The following BRINP1 variants were observed in gnomAD, a reference collection of about 807,000 sequenced individuals.
BRINP1 encodes BMP/retinoic acid-inducible neural-specific protein 1.
BRINP1 carries 17 observed loss-of-function variants against 72.9 expected under a neutral mutation model. The observed-to-expected ratio is 0.23, with a 90% confidence interval of 0.16 to 0.35. BRINP1 has a LOEUF of 0.35. Ranked by LOEUF, BRINP1 falls within the 10% of genes least tolerant of loss-of-function variation. The pLI is 1.00. For missense variants in BRINP1, 850 were observed against 1,001.6 expected (o/e 0.85, Z 2.04); for synonymous variants, 418 against 378.5 (o/e 1.10, Z -1.21).
chr9:119,270,698 A>T (rs1830597782), intron 2 of BRINP1, among the ~76,000 whole-genome samples: 1 of 152,222 alleles, frequency 6.6e-6, no homozygotes, highest in Admixed American at 6.5e-5. Context: ...AGGTTTATAC[A>T]CAATATACTT....
chr9:119,256,518 C>G (rs80255914), intron 2 of BRINP1, among the ~76,000 whole-genome samples: 4,008 of 152,244 alleles, frequency 0.026, 95 homozygotes, highest in Non-Finnish European at 0.036. Flanking sequence ...AAGCATGCAC[C>G]TCCTCAAATT....
intron 2 of BRINP1, among the ~76,000 whole-genome samples, chr9:119,295,952 A>C (rs1830872868): frequency 6.6e-6 from 1 of 152,214 alleles, no homozygotes; most frequent in Non-Finnish European, 1.5e-5. Context: ...GAAAACAGAG[A>C]TAAACCTTCT....
intron 2 of BRINP1, among the ~76,000 whole-genome samples, chr9:119,301,523 A>T (rs1000041104): frequency 6.6e-6 from 1 of 152,236 alleles, no homozygotes; most frequent in Admixed American, 6.5e-5. Context: ...TGGATGGTAG[A>T]GGATGAGAGA....
At chr9:119,312,485 T>A (rs1831077835) in intron 2 of BRINP1, among the ~76,000 whole-genome samples, 2 of 152,052 alleles carry the variant, frequency 1.3e-5, no homozygotes, top group Non-Finnish European at 2.9e-5. Context: ...ATCAAAGATA[T>A]GGTTGTTAAG....
rs148053811 is a variant in BRINP1 at position 119,297,684 on chromosome 9, A to G, written c.218+15454T>C. Reference sequence around the variant, plus strand: ...CTGAAATGAACCCTAACAGGATTCTATTTTGGACTTTCTCCCATTATCCTG... The same window carrying G: ...CTGAAATGAACCCTAACAGGATTCTGTTTTGGACTTTCTCCCATTATCCTG... On this transcript the variant is annotated intron_variant, in intron 2 of 7. Transcript: ENST00000265922. Among the ~76,000 whole-genome samples the G allele has an allele frequency of 5.9e-5, 9 of 152,202 alleles. No homozygotes were observed. The East Asian group carries it at 1.5e-3, about 26-fold the overall frequency.
At chr9:119,284,226 G>A (rs2118965799) in intron 2 of BRINP1, among the ~76,000 whole-genome samples, 1 of 152,286 alleles carries the variant, frequency 6.6e-6, no homozygotes. Flanking sequence ...TTAGACCAAG[G>A]TTGATGCTCA....
chr9:119,189,008 C>T (rs1478269669), intron 7 of BRINP1, among the ~76,000 whole-genome samples: 1 of 151,936 alleles, frequency 6.6e-6, no homozygotes, highest in Non-Finnish European at 1.5e-5. Flanking sequence ...AAGGAATGCA[C>T]AGTATAAAAC....
chr9:119,349,531 G>GT (rs1416970295), intron 1 of BRINP1, among the ~76,000 whole-genome samples: 3 of 152,184 alleles, frequency 2.0e-5, no homozygotes, highest in African/African-American at 7.2e-5. Context: ...CGGTACACTT[G>GT]TAACAATAAA....
chr9:119,282,915 C>G (rs754494961), intron 2 of BRINP1: 41 of 985,402 alleles, frequency 4.2e-5, no homozygotes, highest in Non-Finnish European at 4.9e-5. Context: ...CTCTATGCCC[C>G]TGGGAGGAAG....
At chr9:119,280,122 A>G (rs1370826721) in intron 2 of BRINP1, among the ~76,000 whole-genome samples, 2 of 152,248 alleles carry the variant, frequency 1.3e-5, no homozygotes, top group African/African-American at 4.8e-5. Flanking sequence ...ATGTTTACAG[A>G]ATTAGCTTTC....
chr9:119,207,990 T>TA (rs1035316294), intron 7 of BRINP1, among the ~76,000 whole-genome samples: 19 of 152,250 alleles, frequency 1.2e-4, no homozygotes, highest in African/African-American at 4.6e-4. Context: ...CCCGGAAGAA[T>TA]AGAGTCCAAA....
chr9:119,268,034 G>A (rs1045450338), intron 2 of BRINP1, among the ~76,000 whole-genome samples: 2 of 152,108 alleles, frequency 1.3e-5, no homozygotes, highest in African/African-American at 4.8e-5. Context: ...CCTGGGGTTA[G>A]GAGTTTAAGA....
chr9:119,260,331 A>G (rs1830484219), intron 2 of BRINP1, among the ~76,000 whole-genome samples: 1 of 152,214 alleles, frequency 6.6e-6, no homozygotes, highest in South Asian at 2.1e-4. Context: ...CTCTTGCACT[A>G]CAGTGGCAGA....
chr9:119,325,499 C>A (rs1490957417), intron 1 of BRINP1, among the ~76,000 whole-genome samples: 4 of 152,164 alleles, frequency 2.6e-5, no homozygotes, highest in African/African-American at 9.7e-5. Context: ...CAGTCTTATT[C>A]TTCTCCCTTC....
intron 1 of BRINP1, among the ~76,000 whole-genome samples, chr9:119,349,025 T>C (rs1831476724): frequency 6.6e-6 from 1 of 152,066 alleles, no homozygotes. Flanking sequence ...AGAGTTTGAG[T>C]TATTTGCCAG....
At chr9:119,231,324 T>C (rs1329317752) in intron 5 of BRINP1, among the ~76,000 whole-genome samples, 2 of 152,062 alleles carry the variant, frequency 1.3e-5, no homozygotes, top group African/African-American at 2.4e-5. Flanking sequence ...TAATTCCAGT[T>C]ATGCACAAGA....
intron 2 of BRINP1, among the ~76,000 whole-genome samples, chr9:119,255,510 T>C (rs1272174470): frequency 6.6e-6 from 1 of 152,124 alleles, no homozygotes; most frequent in African/African-American, 2.4e-5. Context: ...AAATTATAAG[T>C]CCGAATCTTT....
At chr9:119,315,924 G>C (rs772830516) in intron 1 of BRINP1, among the ~76,000 whole-genome samples, 7 of 152,182 alleles carry the variant, frequency 4.6e-5, no homozygotes, top group African/African-American at 7.2e-5. Flanking sequence ...CAGAAGAAAA[G>C]TCTGAAGCCA....
At position 119,268,849 on chromosome 9, in the gene BRINP1, A is replaced by C. The variant is rs980951413; in HGVS notation, c.219-19699T>G. On this transcript the variant is annotated intron_variant, in intron 2 of 7. Transcript: ENST00000265922. ...CATAAGAAAAGAAATCACCTGTCCA[A>C]CTCCCATCCAACAAGACCAAAATAC... Among the ~76,000 whole-genome samples the C allele has an allele frequency of 2.0e-5, 3 of 152,096 alleles. No homozygotes were observed. In the East Asian group the frequency reaches 5.8e-4, roughly 29 times the overall value.
Sources: allele counts gnomAD v4.1 joint callset (sites outside exome capture counted in the v4.1 genomes callset), GRCh38; gene constraint gnomAD v4.1.1; transcripts MANE v1.5; gene names NCBI Gene and HGNC (gene_info 2026-07-23, HGNC 2026-07-21).